TENT4B: variants seen among roughly 807,000 people sequenced by gnomAD.
The protein encoded by TENT4B is PAP associated domain containing 5.
A neutral mutation model predicts 75.0 loss-of-function variants in TENT4B; 10 were observed. The observed-to-expected ratio is 0.13, with a 90% CI of 0.08 to 0.23. TENT4B has a LOEUF of 0.23. TENT4B is among the 10% of genes least tolerant of loss of function. TENT4B has a pLI of 1.00. For synonymous variants in TENT4B, 350 were observed against 357.7 expected, an observed-to-expected ratio of 0.98 and a Z score of 0.24; for missense variants, 579 against 893.8, an observed-to-expected ratio of 0.65 and a Z score of 4.49.
At chr16:50,196,095 G>A (rs1380819462) in intron 1 of TENT4B, among the ~76,000 whole-genome samples, 2 of 152,148 alleles carry the variant, frequency 1.3e-5, no homozygotes, top group African/African-American at 4.8e-5. Flanking sequence ...AGAGAAATTA[G>A]GTGGTAAATG....
At position 50,211,204 on chromosome 16, in the gene TENT4B, A is replaced by T. The variant is rs75797396; in HGVS notation, c.639-119A>T. 3.8e-3 allele frequency: 4,026 copies of T among 1,071,696 alleles called. 109 individuals carry two copies. In the African/African-American group the frequency reaches 0.057, roughly 15 times the overall value. 66.4% of individuals were successfully genotyped at this position (1,071,696 alleles called of 1,614,324 possible). A position where few individuals can be genotyped will look rare whatever the true frequency, so the allele number is the denominator to read the frequency against. On this transcript the variant is annotated intron_variant, in intron 1 of 11. Coordinates refer to ENST00000561678, the MANE Select transcript of TENT4B (RefSeq NM_001365324.3). ...ATTTTAGCTTATCTTGAGTTATAACATTAAAATTAAGGTAGTCATCAGCTG... is the reference window on the plus strand; with the variant it reads ...ATTTTAGCTTATCTTGAGTTATAACTTTAAAATTAAGGTAGTCATCAGCTG...
At position 50,210,103 on chromosome 16, in the gene TENT4B, G is replaced by C. The variant is rs533945516; in HGVS notation, c.639-1220G>C. 8.1e-4 allele frequency among the ~76,000 whole-genome samples: 123 copies of C among 152,118 alleles called. 2 individuals carry two copies. Among genetic ancestry groups the C allele is most frequent in the African/African-American group, 2.3e-3 (96 of 41,506 alleles). On this transcript the variant is annotated intron_variant, in intron 1 of 11. Transcript: ENST00000561678. ...TAAGGCACTTTGCACCTGTTGCTCC[G>C]AGCCTTCTGGTCTATCCCAGTTGGT...
intron 1 of TENT4B, among the ~76,000 whole-genome samples, chr16:50,170,365 C>T (rs2038182785): frequency 6.6e-6 from 1 of 152,178 alleles, no homozygotes; most frequent in Admixed American, 6.5e-5. Context: ...TTCCTGCCCT[C>T]AGGCTAGCAT....
At chr16:50,170,813 C>G (rs138622193) in intron 1 of TENT4B, among the ~76,000 whole-genome samples, 1 of 152,016 alleles carries the variant, frequency 6.6e-6, no homozygotes, top group Non-Finnish European at 1.5e-5. Flanking sequence ...ACTACAGGTG[C>G]GGGCCATCAT....
chr16:50,213,338 C>T (rs1433701781), intron 2 of TENT4B, among the ~76,000 whole-genome samples: 1 of 152,192 alleles, frequency 6.6e-6, no homozygotes, highest in East Asian at 1.9e-4. Context: ...GGATTACAGG[C>T]GTGAGCCACT....
At position 50,205,922 on chromosome 16, in the gene TENT4B, C is replaced by G. The variant is rs1016602794; in HGVS notation, c.639-5401C>G. On this transcript the variant is annotated intron_variant, in intron 1 of 11. Coordinates refer to ENST00000561678, the MANE Select transcript of TENT4B (RefSeq NM_001365324.3). ...ATGTCTAACGCACACAAAAGAGATTCTGCTGAACACATTTTTTATGCTTTT... is the reference window on the plus strand; with the variant it reads ...ATGTCTAACGCACACAAAAGAGATTGTGCTGAACACATTTTTTATGCTTTT... Among the ~76,000 whole-genome samples the G allele has an allele frequency of 2.6e-5, 4 of 152,252 alleles. No individual in the cohort carries two copies. In the East Asian group the frequency reaches 7.7e-4, roughly 29 times the overall value.
In TENT4B at chr16:50,153,307, T is replaced by G. The variant is rs1177320562; in HGVS notation, c.-315T>G. On this transcript the variant is annotated 5_prime_UTR_variant, in exon 1 of 12. Coordinates refer to ENST00000561678, the MANE Select transcript of TENT4B (RefSeq NM_001365324.3). ...CCGCTGCCGCCGCCGCCGCTCGCTC[T>G]TCTGTGGAGCCGCCGCCGCCGCCGC... is the stretch of plus-strand genomic sequence containing the variant. Among the ~76,000 whole-genome samples, 3 of 143,670 alleles carry G rather than the reference T, an allele frequency of 2.1e-5. No homozygotes were observed. Among genetic ancestry groups the G allele is most frequent in the East Asian group, 2.1e-4 (1 of 4,736 alleles). 94.3% of individuals were successfully genotyped at this position (143,670 alleles called of 152,430 possible). A position where few individuals can be genotyped will look rare whatever the true frequency, so the allele number is the denominator to read the frequency against.
chr16:50,215,946 C>T, intron 3 of TENT4B, 129 bp from the exon 4 acceptor site: 1 of 1,086,840 alleles, frequency 9.2e-7, no homozygotes, highest in Non-Finnish European at 1.3e-6. Context: ...ATCACCAACA[C>T]ATTTAGTCTT....
chr16:50,154,412 C>A (rs955876269), intron 1 of TENT4B, among the ~76,000 whole-genome samples, 153 bp downstream of exon 1: 2 of 151,968 alleles, frequency 1.3e-5, no homozygotes, highest in African/African-American at 2.4e-5. Context: ...CCATCCCCAA[C>A]CCCCCAGTCG....
At chr16:50,195,602 G>A (rs1338728832) in intron 1 of TENT4B, among the ~76,000 whole-genome samples, 5 of 152,162 alleles carry the variant, frequency 3.3e-5, no homozygotes, top group African/African-American at 1.2e-4. Context: ...TTTAAATTAT[G>A]TCTGGCTTAG....
At chr16:50,184,511 C>G (rs1900137584) in intron 1 of TENT4B, among the ~76,000 whole-genome samples, 1 of 151,766 alleles carries the variant, frequency 6.6e-6, no homozygotes, top group African/African-American at 2.4e-5. Flanking sequence ...TACTAAAAAA[C>G]AAAAAATTAG....
intron 1 of TENT4B, among the ~76,000 whole-genome samples, chr16:50,180,970 C>G (rs2038404032): frequency 6.6e-6 from 1 of 152,164 alleles, no homozygotes; most frequent in Non-Finnish European, 1.5e-5. Context: ...ACTGATTTTT[C>G]TGTATTGATT....
chr16:50,161,032 A>G (rs2037994463), intron 1 of TENT4B, among the ~76,000 whole-genome samples: 1 of 152,362 alleles, frequency 6.6e-6, no homozygotes, highest in Non-Finnish European at 1.5e-5. Context: ...CTGACTGGAC[A>G]GCCTAGAGTC....
intron 11 of TENT4B, among the ~76,000 whole-genome samples, chr16:50,228,208 A>G (rs572495594): frequency 7.2e-5 from 11 of 152,344 alleles, no homozygotes; most frequent in African/African-American, 1.9e-4. Context: ...TGTAACATAA[A>G]TCTCTTCAGG....
In TENT4B at chr16:50,165,190, T is replaced by C. The variant is rs562805928; in HGVS notation, c.638+10931T>C. Among the ~76,000 whole-genome samples, 50 of 152,240 alleles carry C rather than the reference T, an allele frequency of 3.3e-4. 1 individual carries two copies. The South Asian group carries it at 0.01, about 32-fold the overall frequency. On this transcript the variant is annotated intron_variant, in intron 1 of 11. Coordinates refer to ENST00000561678, the MANE Select transcript of TENT4B (RefSeq NM_001365324.3). ...CATATGTATGTGATATTCCATTTATTTATTTTTTTTCTTTTGTCTTTTTTT... is the reference window on the plus strand; with the variant it reads ...CATATGTATGTGATATTCCATTTATCTATTTTTTTTCTTTTGTCTTTTTTT...
chr16:50,212,822 C>T lies in TENT4B; in HGVS notation c.762+1376C>T, dbSNP rs529310163. 2.6e-5 allele frequency among the ~76,000 whole-genome samples: 4 copies of T among 152,302 alleles called. No homozygotes were observed. In the East Asian group the frequency reaches 5.8e-4, roughly 22 times the overall value. ...GAGGCCATGGATGCCATCAGCCATT[C>T]TATGATGAACAGTATAGGCCCTTAC... is the stretch of plus-strand genomic sequence containing the variant. On this transcript the variant is annotated intron_variant, in intron 2 of 11. Coordinates refer to ENST00000561678, the MANE Select transcript of TENT4B (RefSeq NM_001365324.3).
chr16:50,222,221 A>G, intron 5 of TENT4B, 85 bp from the exon 6 acceptor site: 3 of 1,269,736 alleles, frequency 2.4e-6, no homozygotes, highest in Non-Finnish European at 3.2e-6. Context: ...AAATTTTATA[A>G]TGTAAGGACC....
At chr16:50,182,518 A>G (rs1465663202) in intron 1 of TENT4B, among the ~76,000 whole-genome samples, 1 of 152,170 alleles carries the variant, frequency 6.6e-6, no homozygotes, top group African/African-American at 2.4e-5. Context: ...GTGAAAAATA[A>G]TTTTTGTCAA....
At position 50,232,232 on chromosome 16, in the gene TENT4B, G is replaced by C. The variant is rs2032318513; in HGVS notation, c.*2904G>C. 5 of 985,338 alleles carry C rather than the reference G, an allele frequency of 5.1e-6. No homozygotes were observed. The highest frequency in any genetic ancestry group is 6.0e-6 in the Non-Finnish European group (5 of 829,910). The allele number at this position is 985,338 out of a possible 1,614,324, so 61.0% of individuals were successfully genotyped here. A position where few individuals can be genotyped will look rare whatever the true frequency, so the allele number is the denominator to read the frequency against. Reference sequence around the variant, plus strand: ...AAGGTGCCTGGTTTTGAATGTCTTTGTTTGGTTTGGAGATGTCGCACTCAG... The same window carrying C: ...AAGGTGCCTGGTTTTGAATGTCTTTCTTTGGTTTGGAGATGTCGCACTCAG... On this transcript the variant is annotated 3_prime_UTR_variant, in exon 12 of 12. Coordinates refer to ENST00000561678, the MANE Select transcript of TENT4B (RefSeq NM_001365324.3).
Sources: allele counts gnomAD v4.1 joint callset (sites outside exome capture counted in the v4.1 genomes callset), GRCh38; gene constraint gnomAD v4.1.1; transcripts MANE v1.5; gene names NCBI Gene and HGNC (gene_info 2026-07-23, HGNC 2026-07-21).